The following CTTNBP2 variants were observed in gnomAD, a reference collection of about 807,000 sequenced individuals.
CTTNBP2 encodes the protein cortactin-binding protein 2.
Under a neutral mutation model 156.9 loss-of-function variants are expected in CTTNBP2, and 108 were observed. That is an observed-to-expected ratio of 0.69 (90% CI 0.59 to 0.81). The LOEUF (loss-of-function observed/expected upper bound fraction) is 0.81. Ranked by LOEUF, CTTNBP2 falls within the 30% of genes least tolerant of loss-of-function variation. CTTNBP2 has a pLI of 0.00. For synonymous variants in CTTNBP2, 767 were observed against 751.8 expected (o/e 1.02, Z -0.33); for missense variants, 1,924 against 2,035.4 (o/e 0.95, Z 1.05).
chr7:117,765,528 C>G (rs763237133), intron 9 of CTTNBP2, among the ~76,000 whole-genome samples: 2 of 152,156 alleles, frequency 1.3e-5, no homozygotes, highest in East Asian at 3.9e-4. Context: ...AATCACACTA[C>G]CTAATGTCCA....
intron 16 of CTTNBP2, among the ~76,000 whole-genome samples, chr7:117,730,753 G>T (rs77974976): frequency 1.9e-3 from 292 of 151,902 alleles, no homozygotes; most frequent in African/African-American, 6.9e-3. Flanking sequence ...GACTTGGCCA[G>T]CCAAGAAAAT....
chr7:117,838,219 C>A (rs1052381882), intron 2 of CTTNBP2, among the ~76,000 whole-genome samples: 1 of 152,202 alleles, frequency 6.6e-6, no homozygotes, highest in Non-Finnish European at 1.5e-5. Flanking sequence ...CAGAGCCCAT[C>A]TTTGGTGTTA....
chr7:117,806,555 A>G (rs1375655298), intron 3 of CTTNBP2, among the ~76,000 whole-genome samples: 1 of 152,030 alleles, frequency 6.6e-6, no homozygotes, highest in East Asian at 1.9e-4. Flanking sequence ...TAACAACAAG[A>G]TATATTAAGA....
In CTTNBP2 at chr7:117,872,770, C is replaced by G. The variant is rs560603205; in HGVS notation, c.81+565G>C. Among the ~76,000 whole-genome samples the G allele has an allele frequency of 6.6e-4, 101 of 152,260 alleles. 1 individual carries two copies. Among genetic ancestry groups the G allele is most frequent in the African/African-American group, 2.3e-3 (95 of 41,570 alleles). On this transcript the variant is annotated intron_variant, in intron 1 of 22. Coordinates refer to ENST00000160373, the MANE Select transcript of CTTNBP2 (RefSeq NM_033427.3). ...AAAGCGCTGGCCTCAGCGGCAGCAG[C>G]GCCCACATCTGGACACGGCCCTCTC...
chr7:117,734,171 A>G (rs1795556729), intron 16 of CTTNBP2, among the ~76,000 whole-genome samples: 1 of 152,142 alleles, frequency 6.6e-6, no homozygotes. Context: ...TGGTTATGTG[A>G]GGGGGAAAAT....
chr7:117,768,581 A>AAAAAAAAAAAAAAAG (rs1554419704), intron 8 of CTTNBP2, among the ~76,000 whole-genome samples: 1 of 99,112 alleles, frequency 1.0e-5, no homozygotes, highest in African/African-American at 4.8e-5. Flanking sequence ...AAAAAAAAAA[A>AAAAAAAAAAAAAAAG]AAAGAAAGAA....
At chr7:117,815,819 C>A (rs187765300) in intron 2 of CTTNBP2, among the ~76,000 whole-genome samples, 1 of 152,242 alleles carries the variant, frequency 6.6e-6, no homozygotes, top group East Asian at 1.9e-4. Context: ...CAGCAGGACA[C>A]CCAGTTTATC....
intron 2 of CTTNBP2, among the ~76,000 whole-genome samples, chr7:117,834,956 T>C (rs890825591): frequency 5.3e-5 from 8 of 152,266 alleles, no homozygotes; most frequent in African/African-American, 1.9e-4. Flanking sequence ...TTCATTTGTT[T>C]ACTTAGAGTT....
chr7:117,730,359 CT>C (rs1362926323), intron 16 of CTTNBP2, among the ~76,000 whole-genome samples: 1 of 152,182 alleles, frequency 6.6e-6, no homozygotes, highest in Non-Finnish European at 1.5e-5. Context: ...GGTACCTTAC[CT>C]GTTTCTTTCA....
At chr7:117,806,154 G>C (rs1446255323) in intron 3 of CTTNBP2, among the ~76,000 whole-genome samples, 1 of 152,202 alleles carries the variant, frequency 6.6e-6, no homozygotes, top group African/African-American at 2.4e-5. Flanking sequence ...AGTGGATTGT[G>C]TGGAAGAGCT....
chr7:117,809,144 G>A (rs1800116232), intron 3 of CTTNBP2, among the ~76,000 whole-genome samples: 1 of 151,376 alleles, frequency 6.6e-6, no homozygotes, highest in South Asian at 2.1e-4. Flanking sequence ...AGCCAGGTTG[G>A]AAATGACCCA....
intron 8 of CTTNBP2, among the ~76,000 whole-genome samples, chr7:117,767,426 G>T (rs899216961): frequency 2.6e-5 from 4 of 151,902 alleles, no homozygotes; most frequent in African/African-American, 9.7e-5. Flanking sequence ...AGCTTCTTAG[G>T]TTGCAAGAAA....
intron 7 of CTTNBP2, 58 bp from the exon 8 acceptor site, chr7:117,777,823 T>C: frequency 1.3e-6 from 2 of 1,508,520 alleles, no homozygotes; most frequent in Non-Finnish European, 1.8e-6. Context: ...TCAAGGAAAA[T>C]ATTATTGAAA....
At chr7:117,755,742 ATTC>A (rs531465419) in intron 12 of CTTNBP2, among the ~76,000 whole-genome samples, 2 of 152,316 alleles carry the variant, frequency 1.3e-5, no homozygotes, top group South Asian at 2.1e-4. Flanking sequence ...TAATGATCAT[ATTC>A]TTCTTCTTCC....
intron 1 of CTTNBP2, among the ~76,000 whole-genome samples, chr7:117,868,853 T>C (rs1353057550): frequency 1.3e-5 from 2 of 152,242 alleles, no homozygotes; most frequent in Non-Finnish European, 2.9e-5. Context: ...ACATTCAAAG[T>C]TGAAATTCCA....
At chr7:117,721,695 CAT>C (rs1379086203) in intron 19 of CTTNBP2, among the ~76,000 whole-genome samples, 9 of 152,076 alleles carry the variant, frequency 5.9e-5, no homozygotes, top group East Asian at 1.9e-4. Flanking sequence ...TGCTGAAAAT[CAT>C]ATGTTTTTTA....
intron 11 of CTTNBP2, among the ~76,000 whole-genome samples, chr7:117,757,142 C>A (rs1197136955): frequency 6.6e-6 from 1 of 152,206 alleles, no homozygotes; most frequent in African/African-American, 2.4e-5. Context: ...GGTGGCCTCA[C>A]ACTTTTCTTT....
chr7:117,768,729 G>A (rs1192207335), intron 8 of CTTNBP2, among the ~76,000 whole-genome samples: 2 of 152,064 alleles, frequency 1.3e-5, no homozygotes, highest in Non-Finnish European at 1.5e-5. Context: ...ATCCCCCGCA[G>A]AGGCAACTAC....
chr7:117,790,482 T>C (rs1333248062), intron 4 of CTTNBP2, among the ~76,000 whole-genome samples: 2 of 152,058 alleles, frequency 1.3e-5, no homozygotes, highest in African/African-American at 4.8e-5. Flanking sequence ...CCACATGCTA[T>C]GTTAACCATC....
Sources: allele counts gnomAD v4.1 joint callset (sites outside exome capture counted in the v4.1 genomes callset), GRCh38; gene constraint gnomAD v4.1.1; transcripts MANE v1.5; gene names NCBI Gene and HGNC (gene_info 2026-07-23, HGNC 2026-07-21).